CAMK1D: variants seen among roughly 807,000 people sequenced by gnomAD.
CAMK1D encodes the protein calcium/calmodulin-dependent protein kinase type 1D.
CAMK1D carries 9 observed loss-of-function variants against 47.7 expected under a neutral mutation model. That is an observed-to-expected ratio of 0.19 (90% confidence interval 0.11 to 0.33). The LOEUF (loss-of-function observed/expected upper bound fraction) is 0.33. Ranked by LOEUF, CAMK1D falls within the 10% of genes least tolerant of loss-of-function variation. CAMK1D has a pLI of 1.00. For synonymous variants in CAMK1D, 184 were observed against 184.9 expected, an observed-to-expected ratio of 0.99 and a Z score of 0.04; for missense variants, 291 against 488.7, an observed-to-expected ratio of 0.60 and a Z score of 3.81.
At chr10:12,801,259 A>G (rs202019058) in intron 6 of CAMK1D, among the ~76,000 whole-genome samples, 5 of 144,166 alleles carry the variant, frequency 3.5e-5, no homozygotes, top group Admixed American at 2.8e-4. Flanking sequence ...CCATCCATCC[A>G]TCTGTCCGTC....
chr10:12,408,940 A>G lies in CAMK1D; in HGVS notation c.92+59030A>G, dbSNP rs2724787. On this transcript the variant is annotated intron_variant, in intron 1 of 10. Coordinates refer to ENST00000619168, the MANE Select transcript of CAMK1D (RefSeq NM_153498.4). ...GCGATCTCAGCTCACTGCAACCTCC[A>G]CCTCCCGGATTCAAGCAATTCTCCT... Among the ~76,000 whole-genome samples the G allele has an allele frequency of 6.2e-3, 824 of 132,572 alleles. 9 individuals carry two copies. The highest frequency in any genetic ancestry group is 0.022 in the African/African-American group (764 of 34,726). 87.0% of individuals were successfully genotyped at this position (132,572 alleles called of 152,430 possible). A position where few individuals can be genotyped will look rare whatever the true frequency, so the allele number is the denominator to read the frequency against.
chr10:12,618,796 GTAA>G (rs1838902389), intron 2 of CAMK1D, among the ~76,000 whole-genome samples: 1 of 152,198 alleles, frequency 6.6e-6, no homozygotes, highest in African/African-American at 2.4e-5. Flanking sequence ...ATGGGTAGTA[GTAA>G]TAATAGTTGC....
At chr10:12,587,329 C>T (rs1453770118) in intron 2 of CAMK1D, among the ~76,000 whole-genome samples, 2 of 152,108 alleles carry the variant, frequency 1.3e-5, no homozygotes, top group African/African-American at 2.4e-5. Flanking sequence ...GAGCCCCTCT[C>T]ATCATATCCC....
intron 3 of CAMK1D, among the ~76,000 whole-genome samples, chr10:12,700,151 C>T (rs927009281): frequency 1.2e-4 from 18 of 152,150 alleles, no homozygotes; most frequent in African/African-American, 1.9e-4. Context: ...TTACATAACA[C>T]ACATATTTTC....
At chr10:12,419,658 AC>A (rs1839980304) in intron 1 of CAMK1D, among the ~76,000 whole-genome samples, 4 of 152,022 alleles carry the variant, frequency 2.6e-5, no homozygotes, top group African/African-American at 9.7e-5. Context: ...ACACACACAC[AC>A]ACACACACAC....
At chr10:12,526,047 C>T (rs183957875) in intron 1 of CAMK1D, among the ~76,000 whole-genome samples, 10 of 152,300 alleles carry the variant, frequency 6.6e-5, no homozygotes, top group Admixed American at 3.3e-4. Flanking sequence ...TGTGAGCCGC[C>T]GCACCCGGCC....
intron 3 of CAMK1D, among the ~76,000 whole-genome samples, chr10:12,729,090 C>T (rs1834777245): frequency 6.6e-6 from 1 of 152,282 alleles, no homozygotes; most frequent in South Asian, 2.1e-4. Context: ...TCCTTTGTGC[C>T]TTCATGTCAT....
rs1186824805 is a variant in CAMK1D, at chr10:12,791,246, T to C, written c.641+13T>C. On this transcript the variant is annotated intron_variant, in intron 6 of 10. Transcript: ENST00000619168. ...TTGCCTACATCTTGTAAGTACTGCC[T>C]GCTGCCTTGGGTTCTTCCTCTACCG... 6.2e-7 allele frequency: 1 copy of C among 1,612,750 alleles called. No individual in the cohort carries two copies.
rs187391825 is a variant in CAMK1D at position 12,401,802 on chromosome 10, G to A, written c.92+51892G>A. ...ACAGAGGATGGATGAATGAGAAGACGGTCTGTTTTGGCATTCAGGCATGTA... is the reference window on the plus strand; with the variant it reads ...ACAGAGGATGGATGAATGAGAAGACAGTCTGTTTTGGCATTCAGGCATGTA... On this transcript the variant is annotated intron_variant, in intron 1 of 10. Coordinates refer to ENST00000619168, the MANE Select transcript of CAMK1D (RefSeq NM_153498.4). Among the ~76,000 whole-genome samples the A allele has an allele frequency of 4.6e-5, 7 of 151,812 alleles. No individual in the cohort carries two copies. The East Asian group carries it at 1.2e-3, about 25-fold the overall frequency.
At chr10:12,683,424 C>T (rs746385093) in intron 3 of CAMK1D, among the ~76,000 whole-genome samples, 7 of 152,084 alleles carry the variant, frequency 4.6e-5, no homozygotes, top group Non-Finnish European at 1.0e-4. Flanking sequence ...ATGATAAAAA[C>T]CAATTTATCA....
chr10:12,814,060 A>G (rs1832708403), intron 6 of CAMK1D, 135 bp from the exon 7 acceptor site: 1 of 591,252 alleles, frequency 1.7e-6, no homozygotes, highest in Non-Finnish European at 3.0e-6. Flanking sequence ...AATTGCTGGG[A>G]TTACCTGCGT....
At chr10:12,410,122 T>C (rs1016592197) in intron 1 of CAMK1D, among the ~76,000 whole-genome samples, 1 of 152,252 alleles carries the variant, frequency 6.6e-6, no homozygotes, top group Non-Finnish European at 1.5e-5. Context: ...TGATACATAC[T>C]TTTTATTTTC....
intron 2 of CAMK1D, among the ~76,000 whole-genome samples, chr10:12,661,387 A>G (rs1393035863): frequency 1.3e-5 from 2 of 152,356 alleles, no homozygotes; most frequent in South Asian, 2.1e-4. Context: ...AATCTCAGCA[A>G]TGACAATTAT....
intron 2 of CAMK1D, among the ~76,000 whole-genome samples, chr10:12,569,601 C>A (rs964913952): frequency 4.0e-5 from 6 of 150,998 alleles, no homozygotes; most frequent in African/African-American, 1.5e-4. Context: ...CGCCTGTAGT[C>A]CCAGCTACTC....
In CAMK1D at chr10:12,826,136, C is replaced by CA. The variant is rs111766429; in HGVS notation, c.1039+458dup. ...TGGGTGACAGATTGAGACTCCCTCT[C>CA]AAAAAAAAAAAAGAAAAATCATTGA... On this transcript the variant is annotated intron_variant, in intron 10 of 10. Coordinates refer to ENST00000619168, the MANE Select transcript of CAMK1D (RefSeq NM_153498.4). 2.4e-3 allele frequency: 346 copies of CA among 143,190 alleles called. 1 individual carries two copies. The highest frequency in any genetic ancestry group is 3.8e-3 in the African/African-American group (145 of 37,674). The allele number at this position is 143,190 out of a possible 1,614,324, so 8.9% of individuals were successfully genotyped here.
chr10:12,743,300 T>C (rs577877218), intron 3 of CAMK1D, among the ~76,000 whole-genome samples: 36 of 149,842 alleles, frequency 2.4e-4, no homozygotes, highest in Non-Finnish European at 4.7e-4. Context: ...TGAGCCAAGA[T>C]TGTGCCACCG....
At chr10:12,543,524 C>T (rs1191193392) in intron 1 of CAMK1D, among the ~76,000 whole-genome samples, 5 of 152,048 alleles carry the variant, frequency 3.3e-5, no homozygotes, top group African/African-American at 1.2e-4. Flanking sequence ...GAGTTCTGGG[C>T]CCAGCATAAG....
At chr10:12,425,207 A>T (rs1840187495) in intron 1 of CAMK1D, among the ~76,000 whole-genome samples, 1 of 150,828 alleles carries the variant, frequency 6.6e-6, no homozygotes, top group South Asian at 2.1e-4. Context: ...CTTAAATCCC[A>T]TCCCATCTGG....
intron 8 of CAMK1D, among the ~76,000 whole-genome samples, chr10:12,819,985 C>T (rs527839824): frequency 3.2e-4 from 48 of 152,176 alleles, no homozygotes; most frequent in African/African-American, 9.9e-4. Context: ...TTACGGGACT[C>T]GGGGGAAGAT....
Sources: gnomAD v4.1 joint callset for allele counts (sites outside exome capture counted in the v4.1 genomes callset) on GRCh38, gnomAD v4.1.1 for gene constraint, MANE v1.5 for transcripts, NCBI Gene and HGNC (gene_info 2026-07-23, HGNC 2026-07-21) for gene names.